The following SETD3 variants were observed in gnomAD, a reference collection of about 807,000 sequenced individuals.
SETD3 encodes the protein actin-histidine N-methyltransferase.
A neutral mutation model predicts 63.0 loss-of-function variants in SETD3; 19 were observed. That is an observed-to-expected ratio of 0.30 (90% confidence interval 0.21 to 0.44). The LOEUF is 0.44. Among genes scored for constraint, SETD3 ranks in the 20% least tolerant of loss-of-function variants. The pLI is 1.00. For missense variants in SETD3, 587 were observed against 728.5 expected, an observed-to-expected ratio of 0.81 and a Z score of 2.24; for synonymous variants, 286 against 264.1, an observed-to-expected ratio of 1.08 and a Z score of -0.80.
intron 5 of SETD3, 28 bp downstream of exon 5, chr14:99,459,085 G>C: frequency 6.4e-7 from 1 of 1,560,260 alleles, no homozygotes; most frequent in Non-Finnish European, 8.8e-7. Flanking sequence ...TTTGTGCTTT[G>C]CCTTGAAGAG....
Position 99,398,783 on chromosome 14 carries a change from T to C in SETD3, c.1681A>G (p.Asn561Asp), listed in dbSNP as rs1566867888. 6.2e-7 allele frequency: 1 copy of C among 1,614,224 alleles called. No individual in the cohort carries two copies. The change falls in exon 13 of 13, where the codon AAT becomes GAT. Residue 561 changes from asparagine to aspartate, a missense_variant. Coordinates refer to ENST00000331768, the MANE Select transcript of SETD3 (RefSeq NM_032233.3). Reference sequence around the variant, plus strand: ...CTTTCATTTTCGGACCTGGTCCCATTAGGGATAGAGTTTTCACCGTTTACA... The same window carrying C: ...CTTTCATTTTCGGACCTGGTCCCATCAGGGATAGAGTTTTCACCGTTTACA... Reference protein sequence around the residue: ...GLVNGENSIPNGTRSENESLN... With the variant: ...GLVNGENSIPDGTRSENESLN...
intron 6 of SETD3, among the ~76,000 whole-genome samples, chr14:99,445,552 T>A (rs572709981): frequency 6.6e-6 from 1 of 152,190 alleles, no homozygotes; most frequent in African/African-American, 2.4e-5. Flanking sequence ...TGAGAGTAGA[T>A]TATAGCTACA....
chr14:99,419,786 CAA>C (rs1387120602), intron 6 of SETD3, among the ~76,000 whole-genome samples: 1 of 130,508 alleles, frequency 7.7e-6, no homozygotes, highest in African/African-American at 2.9e-5. Flanking sequence ...AAAAAAAAAA[CAA>C]AAAAAAAAAC....
upstream of SETD3, among the ~76,000 whole-genome samples, chr14:99,484,720 C>T (rs934511110): frequency 6.6e-6 from 1 of 152,106 alleles, no homozygotes; most frequent in African/African-American, 2.4e-5. Flanking sequence ...CCCAGCAATG[C>T]CATAGGCTGT....
At chr14:99,471,645 C>CA (rs1415810005) in intron 1 of SETD3, among the ~76,000 whole-genome samples, 6 of 151,668 alleles carry the variant, frequency 4.0e-5, no homozygotes, top group Non-Finnish European at 8.8e-5. Flanking sequence ...AATCCTGTCT[C>CA]AAAAAAAACT....
In SETD3 at chr14:99,477,610, C is replaced by T. The variant is rs1896038563; in HGVS notation, c.-9+3118G>A. ...TCTCTATTAAAAATACAAAATTAGC[C>T]AGGCGTGGTGGCGCATGCCTGTAAT... On this transcript the variant is annotated intron_variant, in intron 1 of 12. Transcript: ENST00000331768. Among the ~76,000 whole-genome samples, 4 of 151,942 alleles carry T rather than the reference C, an allele frequency of 2.6e-5. No individual in the cohort carries two copies. In the South Asian group the frequency reaches 8.3e-4, roughly 32 times the overall value.
intron 6 of SETD3, among the ~76,000 whole-genome samples, chr14:99,421,527 T>C (rs1004254684): frequency 2.6e-5 from 4 of 152,046 alleles, no homozygotes; most frequent in African/African-American, 9.7e-5. Context: ...ATTCAGAATA[T>C]GTAGATAAAC....
Position 99,452,898 on chromosome 14 carries a change from G to A in SETD3, c.675+5381C>T, listed in dbSNP as rs149892877. Among the ~76,000 whole-genome samples, 889 of 152,292 alleles carry A rather than the reference G, an allele frequency of 5.8e-3. 6 individuals carry two copies. The highest frequency in any genetic ancestry group is 0.02 in the African/African-American group (848 of 41,564). ...AGTTCACATGCAGAGTTTGGTACAG[G>A]CCCCCAAGAAAACTATTTTAAATGG... On this transcript the variant is annotated intron_variant, in intron 6 of 12. Coordinates refer to ENST00000331768, the MANE Select transcript of SETD3 (RefSeq NM_032233.3).
intron 3 of SETD3, among the ~76,000 whole-genome samples, chr14:99,463,011 T>C (rs1446005878): frequency 6.6e-6 from 1 of 152,200 alleles, no homozygotes; most frequent in Non-Finnish European, 1.5e-5. Context: ...TGAGAATCAT[T>C]ACAATGGCGA....
chr14:99,480,785 C>A lies in SETD3; in HGVS notation c.-66G>T. 6.4e-6 allele frequency: 1 copy of A among 155,502 alleles called. No individual in the cohort carries two copies. Among genetic ancestry groups the A allele is most frequent in the South Asian group, 2.0e-4 (1 of 5,094 alleles). 9.6% of individuals were successfully genotyped at this position (155,502 alleles called of 1,614,324 possible). A position where few individuals can be genotyped will look rare whatever the true frequency, so the allele number is the denominator to read the frequency against. On this transcript the variant is annotated 5_prime_UTR_variant, in exon 1 of 13. Coordinates refer to ENST00000331768, the MANE Select transcript of SETD3 (RefSeq NM_032233.3). ...GTACTCCGGCCCGGACCCCGCCGTC[C>A]GCCTCAACCAACCCCCAGGCGGTGG...
intron 6 of SETD3, among the ~76,000 whole-genome samples, chr14:99,437,898 T>G (rs1202412375): frequency 6.6e-6 from 1 of 152,206 alleles, no homozygotes; most frequent in Non-Finnish European, 1.5e-5. Context: ...ACCAGCTAAC[T>G]GTACATAAGC....
chr14:99,422,518 A>G (rs1245180713), intron 6 of SETD3, among the ~76,000 whole-genome samples: 1 of 152,196 alleles, frequency 6.6e-6, no homozygotes, highest in Non-Finnish European at 1.5e-5. Flanking sequence ...ATGAGGAATG[A>G]GCTCTAGGGG....
intron 1 of SETD3, among the ~76,000 whole-genome samples, chr14:99,473,683 T>C (rs888218483): frequency 1.3e-5 from 2 of 152,166 alleles, no homozygotes; most frequent in African/African-American, 4.8e-5. Flanking sequence ...GAGGGCCTAA[T>C]CTTCATGTAG....
At chr14:99,404,092 T>C in intron 11 of SETD3, 133 bp downstream of exon 11, 1 of 618,466 alleles carries the variant, frequency 1.6e-6, no homozygotes, top group Non-Finnish European at 2.8e-6. Flanking sequence ...CTTTCTCCAG[T>C]ATTGTATCTT....
chr14:99,437,708 A>T (rs1393119397), intron 6 of SETD3, among the ~76,000 whole-genome samples: 1 of 152,242 alleles, frequency 6.6e-6, no homozygotes, highest in African/African-American at 2.4e-5. Context: ...ACACACAGAA[A>T]GATTGATTCG....
At chr14:99,464,719 C>T (rs763281306) in intron 2 of SETD3, among the ~76,000 whole-genome samples, 10 of 152,264 alleles carry the variant, frequency 6.6e-5, no homozygotes, top group Non-Finnish European at 1.0e-4. Flanking sequence ...AGCCAAGGCA[C>T]TAATTGCACC....
intron 6 of SETD3, among the ~76,000 whole-genome samples, chr14:99,420,956 GGGGGGGGGGGGGGGGGGGGGT>G: frequency 1.8e-5 from 2 of 109,954 alleles, no homozygotes; most frequent in African/African-American, 9.1e-5. Context: ...GCGGGGGGGG[GGGGGGGGGGGGGGGGGGGGGT>G]GGGAGGTGCA....
At chr14:99,483,510 A>T (rs750530550), upstream of SETD3, among the ~76,000 whole-genome samples, 1 of 152,250 alleles carries the variant, frequency 6.6e-6, no homozygotes. Context: ...TGATCGGGTG[A>T]CTGCGCTCCA....
Position 99,400,243 on chromosome 14 carries a change from G to C in SETD3, c.1194C>G (p.His398Gln). ...FCMTEEELKE[H>Q]LLGDSAIDRI... is the part of the protein sequence containing the mutation. ...TATCAATAGCGCTGTCTCCCAGCAA[G>C]TGTTCTTTCAGTTCTTCTACAAGAA... is the stretch of plus-strand genomic sequence containing the variant. The change falls in exon 12 of 13, where the codon CAC becomes CAG. Residue 398 changes from histidine to glutamine, a missense_variant. His to Gln is a conservative substitution (Grantham distance 24, BLOSUM62 0). Coordinates refer to ENST00000331768, the MANE Select transcript of SETD3 (RefSeq NM_032233.3). The C allele has an allele frequency of 6.2e-7, 1 of 1,611,522 alleles. No homozygotes were observed. Among genetic ancestry groups the C allele is most frequent in the East Asian group, 2.2e-5 (1 of 44,804 alleles).
Sources: allele counts gnomAD v4.1 joint callset (sites outside exome capture counted in the v4.1 genomes callset), GRCh38; gene constraint gnomAD v4.1.1; transcripts MANE v1.5; gene names NCBI Gene and HGNC (gene_info 2026-07-23, HGNC 2026-07-21).